The following ZNF141 variants were observed in gnomAD, a reference collection of about 807,000 sequenced individuals.
The protein encoded by ZNF141 is zinc finger protein 141, also known as zinc finger protein 141 (clone pHZ-44).
Under a neutral mutation model 11.3 loss-of-function variants are expected in ZNF141, and 7 were observed. That is an observed-to-expected ratio of 0.62 (90% CI 0.35 to 1.16). The LOEUF is 1.16. Ranked by LOEUF, ZNF141 falls within the 50% of genes most tolerant of loss-of-function variation. ZNF141 has a pLI of 0.02. For missense variants in ZNF141, 535 were observed against 554.0 expected, an observed-to-expected ratio of 0.97 and a Z score of 0.34; for synonymous variants, 183 against 190.7, an observed-to-expected ratio of 0.96 and a Z score of 0.33.
Position 373,141 on chromosome 4 carries a change from T to TCCTCACA in ZNF141, c.705_706insCTCACAC (p.Phe236LeufsTer11). ...TTTACTTGTGAAGAATGTGGCAGCA[T>TCCTCACA]CTTTACCACATCCTCACACTTTGCT... On this transcript the variant is annotated frameshift_variant, in exon 4 of 4. Coordinates refer to ENST00000240499, the MANE Select transcript of ZNF141 (RefSeq NM_003441.4). LOFTEE classifies it low-confidence loss of function (END_TRUNC). 6.2e-7 allele frequency: 1 copy of TCCTCACA among 1,613,452 alleles called. No individual in the cohort carries two copies. Among genetic ancestry groups the TCCTCACA allele is most frequent in the Non-Finnish European group, 8.5e-7 (1 of 1,179,858 alleles).
rs1265316664 is a variant in ZNF141 at position 382,846 on chromosome 4, G to A, written c.*8984G>A. On this transcript the variant is annotated 3_prime_UTR_variant, in exon 4 of 4. Coordinates refer to ENST00000240499, the MANE Select transcript of ZNF141 (RefSeq NM_003441.4). The stretch of plus-strand genomic sequence containing the variant: ...ATCCTGAGTCCCAGCCAGCTGCTTA[G>A]TAGCTGTGGGATAGTTACACAAGAC... 3.2e-6 allele frequency: 1 copy of A among 307,840 alleles called. No individual in the cohort carries two copies. Among genetic ancestry groups the A allele is most frequent in the Non-Finnish European group, 6.0e-6 (1 of 165,472 alleles). The allele number at this position is 307,840 out of a possible 1,614,324, so 19.1% of individuals were successfully genotyped here.
rs1720859431 is a variant in ZNF141 at position 337,864 on chromosome 4, T to C, written c.-120T>C. On this transcript the variant is annotated 5_prime_UTR_variant, in exon 1 of 4. Coordinates refer to ENST00000240499, the MANE Select transcript of ZNF141 (RefSeq NM_003441.4). ...CCGCGGGTTAGGGGCTTCATCTCTC[T>C]GCGTTCTCAGTTGTGGGAGGCCTTG... 47 of 1,365,558 alleles carry C rather than the reference T, an allele frequency of 3.4e-5. No individual in the cohort carries two copies. Among genetic ancestry groups the C allele is most frequent in the Non-Finnish European group, 4.7e-5 (46 of 968,828 alleles). The allele number at this position is 1,365,558 out of a possible 1,614,324, so 84.6% of individuals were successfully genotyped here.
chr4:359,579 C>T (rs1428381174), intron 3 of ZNF141, among the ~76,000 whole-genome samples: 3 of 152,142 alleles, frequency 2.0e-5, no homozygotes. Context: ...GGCAGGACTT[C>T]TCCCTGCCTC....
At position 372,940 on chromosome 4, in the gene ZNF141, C is replaced by G. The variant is rs782535222; in HGVS notation, c.503C>G (p.Thr168Ser). ...SNSNKRKTRH[T>S]GEKHFKECGK... ...TCAAACAAACGTAAGACAAGACATA[C>G]TGGAGAGAAACACTTTAAAGAATGT... Residue 168 changes from threonine to serine, a missense_variant, in exon 4 of 4, where the codon ACT becomes AGT. By Grantham distance (58) the Thr-to-Ser change is moderately conservative (BLOSUM62 1). Coordinates refer to ENST00000240499, the MANE Select transcript of ZNF141 (RefSeq NM_003441.4). The G allele has an allele frequency of 5.6e-6, 9 of 1,614,054 alleles. No individual in the cohort carries two copies. The highest frequency in any genetic ancestry group is 7.6e-6 in the Non-Finnish European group (9 of 1,179,968).
At chr4:339,384 T>C (rs1553848067) in intron 1 of ZNF141, among the ~76,000 whole-genome samples, 2 of 152,248 alleles carry the variant, frequency 1.3e-5, no homozygotes, top group African/African-American at 2.4e-5. Context: ...CAATCCTGCC[T>C]TGCCCCCACT....
chr4:352,010 G>A (rs1323381285), intron 3 of ZNF141, among the ~76,000 whole-genome samples: 1 of 152,142 alleles, frequency 6.6e-6, no homozygotes, highest in Non-Finnish European at 1.5e-5. Flanking sequence ...AGTGGGGAAA[G>A]CATCAAGCAT....
At chr4:362,739 C>T (rs1176293463) in intron 3 of ZNF141, among the ~76,000 whole-genome samples, 1 of 152,086 alleles carries the variant, frequency 6.6e-6, no homozygotes, top group East Asian at 1.9e-4. Context: ...TGGTCTATAT[C>T]TCTGTTTTGG....
In ZNF141 at chr4:380,310, A is replaced by G. The variant is rs536389201; in HGVS notation, c.*6448A>G. On this transcript the variant is annotated 3_prime_UTR_variant, in exon 4 of 4. Coordinates refer to ENST00000240499, the MANE Select transcript of ZNF141 (RefSeq NM_003441.4). ...AATTCCGTATATACATGTTTTAGTA[A>G]TAGTTGATTTCTACCAAATGCTAAC... Among the ~76,000 whole-genome samples, 3 of 152,196 alleles carry G rather than the reference A, an allele frequency of 2.0e-5. No homozygotes were observed. Among genetic ancestry groups the G allele is most frequent in the Non-Finnish European group, 4.4e-5 (3 of 68,030 alleles).
intron 3 of ZNF141, among the ~76,000 whole-genome samples, chr4:345,587 G>A (rs782336008): frequency 5.9e-5 from 9 of 151,952 alleles, no homozygotes; most frequent in Admixed American, 1.3e-4. Flanking sequence ...AATTAGCTGG[G>A]CGTGGTGGTG....
intron 3 of ZNF141, among the ~76,000 whole-genome samples, chr4:367,257 T>C (rs181634058): frequency 2.6e-5 from 4 of 152,348 alleles, no homozygotes; most frequent in African/African-American, 9.6e-5. Context: ...ATATGTCTAT[T>C]TCCAATATGA....
chr4:368,936 T>TAATCTGGAGATTGCATTA (rs1189787319), intron 3 of ZNF141, among the ~76,000 whole-genome samples: 1 of 152,228 alleles, frequency 6.6e-6, no homozygotes, highest in Non-Finnish European at 1.5e-5. Flanking sequence ...GGATTGCATT[T>TAATCTGGAGATTGCATTA]AATCTGGAGA....
rs766076828 is a variant in ZNF141, at chr4:384,418, C to A, written c.*10556C>A. On this transcript the variant is annotated 3_prime_UTR_variant, in exon 4 of 4. Transcript: ENST00000240499. ...ATGAAAAACACCCACGGGACCACAC[C>A]TGCACCACCCATGTAGCTAGCAGGA... The A allele has an allele frequency of 1.3e-5, 2 of 152,194 alleles. No individual in the cohort carries two copies. The highest frequency in any genetic ancestry group is 2.9e-5 in the Non-Finnish European group (2 of 68,062). The allele number at this position is 152,194 out of a possible 1,614,324, so 9.4% of individuals were successfully genotyped here. A position where few individuals can be genotyped will look rare whatever the true frequency, so the allele number is the denominator to read the frequency against.
chr4:347,069 C>G (rs1208598128), intron 3 of ZNF141, among the ~76,000 whole-genome samples: 2 of 145,446 alleles, frequency 1.4e-5, no homozygotes, highest in Non-Finnish European at 3.0e-5. Context: ...TGGAGTTTCA[C>G]TCTTGTTGCC....
At position 383,622 on chromosome 4, in the gene ZNF141, C is replaced by T. The variant is rs1310429143; in HGVS notation, c.*9760C>T. ...GCCAGTTAACGTGAACTTCCTACAT[C>T]TAAACCAAAAGGAAAGACCTCATCT... On this transcript the variant is annotated 3_prime_UTR_variant, in exon 4 of 4. Coordinates refer to ENST00000240499, the MANE Select transcript of ZNF141 (RefSeq NM_003441.4). 7.2e-5 allele frequency: 11 copies of T among 152,822 alleles called. No individual in the cohort carries two copies. The highest frequency in any genetic ancestry group is 1.3e-4 in the Admixed American group (2 of 15,340). The allele number at this position is 152,822 out of a possible 1,614,324, so 9.5% of individuals were successfully genotyped here.
chr4:374,010 CATA>C lies in ZNF141; in HGVS notation c.*150_*152del. ...TACCTCATTCTCAAACCTTGATAAA[CATA>C]AGAGAATTCATACCGGAGAGAAACT... On this transcript the variant is annotated 3_prime_UTR_variant, in exon 4 of 4. Transcript: ENST00000240499. 1 of 740,836 alleles carries C rather than the reference CATA, an allele frequency of 1.3e-6. No individual in the cohort carries two copies. Among genetic ancestry groups the C allele is most frequent in the Non-Finnish European group, 2.3e-6 (1 of 438,632 alleles). The allele number at this position is 740,836 out of a possible 1,614,324, so 45.9% of individuals were successfully genotyped here.
At chr4:343,575 A>G (rs1199047102) in intron 1 of ZNF141, among the ~76,000 whole-genome samples, 1 of 151,924 alleles carries the variant, frequency 6.6e-6, no homozygotes, top group Non-Finnish European at 1.5e-5. Flanking sequence ...AATACAAAAA[A>G]TCAGCTGGGC....
Position 374,087 on chromosome 4 carries a change from G to A in ZNF141, c.*225G>A. 1 of 556,762 alleles carries A rather than the reference G, an allele frequency of 1.8e-6. No individual in the cohort carries two copies. 34.5% of individuals were successfully genotyped at this position (556,762 alleles called of 1,614,324 possible). On this transcript the variant is annotated 3_prime_UTR_variant, in exon 4 of 4. Transcript: ENST00000240499. ...AAGCCTGTGAATGGTCCACAAACCTGAATGAGCAGAAGAAAATTATTACTG... is the reference window on the plus strand; with the variant it reads ...AAGCCTGTGAATGGTCCACAAACCTAAATGAGCAGAAGAAAATTATTACTG...
chr4:341,770 G>A (rs570893755), intron 1 of ZNF141, among the ~76,000 whole-genome samples: 5 of 152,282 alleles, frequency 3.3e-5, no homozygotes, highest in South Asian at 4.1e-4. Context: ...TCAGAGTTTA[G>A]GGTGGCTACT....
intron 3 of ZNF141, among the ~76,000 whole-genome samples, chr4:352,580 A>G (rs1721653449): frequency 6.6e-6 from 1 of 152,170 alleles, no homozygotes; most frequent in Non-Finnish European, 1.5e-5. Context: ...TGAATTTGTG[A>G]TATCTAAGAG....
Sources: gnomAD v4.1 joint callset for allele counts (sites outside exome capture counted in the v4.1 genomes callset) on GRCh38, gnomAD v4.1.1 for gene constraint, MANE v1.5 for transcripts, NCBI Gene and HGNC (gene_info 2026-07-23, HGNC 2026-07-21) for gene names.